The following KYAT3 variants were observed in gnomAD, a reference collection of about 807,000 sequenced individuals.
KYAT3 encodes kynurenine--oxoglutarate transaminase 3.
KYAT3 carries 50 observed loss-of-function variants against 59.0 expected under a neutral mutation model. The ratio of observed to expected loss-of-function variants is 0.85; its 90% CI spans 0.68 to 1.07. The LOEUF is 1.07. Ranked by LOEUF, KYAT3 falls within the 50% of genes least tolerant of loss-of-function variation. KYAT3 has a pLI of 0.00. For synonymous variants in KYAT3, 148 were observed against 177.0 expected (o/e 0.84, Z 1.30); for missense variants, 497 against 533.3 (o/e 0.93, Z 0.67).
chr1:88,928,381 T>TA, the KYAT3 span, among the ~76,000 whole-genome samples: 7,535 of 145,380 alleles, frequency 0.052, 551 homozygotes, highest in African/African-American at 0.16. Context: ...ACAAACGGGA[T>TA]AAAAAAAAAA....
chr1:88,942,797 C>A (rs757829692), intron 13 of KYAT3, among the ~76,000 whole-genome samples: 1 of 151,934 alleles, frequency 6.6e-6, no homozygotes, highest in African/African-American at 2.4e-5. Context: ...CTCCTGACCT[C>A]GTGATCAGCC....
chr1:88,936,237 G>T lies in KYAT3; in HGVS notation c.1311C>A (p.Ser437Arg). 1 of 1,605,928 alleles carries T rather than the reference G, an allele frequency of 6.2e-7. No individual in the cohort carries two copies. Among genetic ancestry groups the T allele is most frequent in the Non-Finnish European group, 8.5e-7 (1 of 1,173,698 alleles). ...FVRFCFIKKD[S>R]TLDAAEEIIK... ...TGATTTCTTCAGCAGCATCCAGTGT[G>T]CTGTCTTTCTGTAAATTAATGAAAT... Residue 437 changes from serine (S) to arginine (R), a missense_variant, in exon 14 of 14, where the codon AGC becomes AGA. By Grantham distance (110) the Ser-to-Arg change is moderately radical. This residue lies in a region of KYAT3 where 28 missense variants were observed against 54.2 expected (regional missense o/e 0.52). Coordinates refer to ENST00000260508, the MANE Select transcript of KYAT3 (RefSeq NM_001008661.3).
downstream of KYAT3, among the ~76,000 whole-genome samples, chr1:88,934,075 G>T (rs1388808753): frequency 1.3e-5 from 2 of 152,148 alleles, no homozygotes; most frequent in African/African-American, 4.8e-5. Flanking sequence ...CACAGAAGTG[G>T]GGTTGAAGTT....
intron 4 of KYAT3, among the ~76,000 whole-genome samples, chr1:88,965,293 C>T (rs1676304382): frequency 6.6e-6 from 1 of 152,002 alleles, no homozygotes; most frequent in African/African-American, 2.4e-5. Flanking sequence ...GTAATTAAAT[C>T]ATATTGAAAA....
chr1:88,982,681 A>G lies in KYAT3; in HGVS notation c.99+5571T>C, dbSNP rs560744066. ...AGTATCTGCTTCTGCCTCCCCCTCTATCAGATCGGCTTCCTCCAGGGCCAG... is the reference window on the plus strand; with the variant it reads ...AGTATCTGCTTCTGCCTCCCCCTCTGTCAGATCGGCTTCCTCCAGGGCCAG... On this transcript the variant is annotated intron_variant, in intron 2 of 13. Coordinates refer to ENST00000260508, the MANE Select transcript of KYAT3 (RefSeq NM_001008661.3). 1.3e-5 allele frequency: 21 copies of G among 1,612,952 alleles called. No homozygotes were observed. The African/African-American group carries it at 2.1e-4, about 16-fold the overall frequency.
At chr1:88,940,165 G>C (rs552586035) in intron 13 of KYAT3, among the ~76,000 whole-genome samples, 6 of 152,188 alleles carry the variant, frequency 3.9e-5, no homozygotes, top group Admixed American at 1.3e-4. Flanking sequence ...TGCCTCCTGG[G>C]TTCAAGTGAT....
chr1:88,951,920 T>C (rs938396245), intron 10 of KYAT3, among the ~76,000 whole-genome samples: 5 of 152,028 alleles, frequency 3.3e-5, no homozygotes. Context: ...AGATTATCCA[T>C]TGGGCCCAAT....
At chr1:88,977,108 G>A (rs976720483) in intron 2 of KYAT3, among the ~76,000 whole-genome samples, 4 of 152,136 alleles carry the variant, frequency 2.6e-5, no homozygotes, top group South Asian at 2.1e-4. Flanking sequence ...TCTGCCTCCC[G>A]GGTTCAAGCG....
intron 2 of KYAT3, 33 bp from the exon 3 acceptor site, chr1:88,969,500 T>G (rs769216422): frequency 7.9e-7 from 1 of 1,273,456 alleles, no homozygotes. Flanking sequence ...AGGAATTGCC[T>G]TAGTCAAAAT....
At chr1:88,985,026 T>C (rs1461960820) in intron 2 of KYAT3, among the ~76,000 whole-genome samples, 2 of 152,370 alleles carry the variant, frequency 1.3e-5, no homozygotes, top group South Asian at 2.1e-4. Context: ...TTAACCTTTT[T>C]CTGAAAATTA....
intron 8 of KYAT3, among the ~76,000 whole-genome samples, chr1:88,958,821 A>G (rs1253215250): frequency 2.0e-5 from 3 of 151,962 alleles, no homozygotes; most frequent in Admixed American, 1.3e-4. Context: ...TCACCATTTC[A>G]TGATGTAGAA....
intron 1 of KYAT3, among the ~76,000 whole-genome samples, 199 bp downstream of exon 1, chr1:88,992,386 C>T (rs1186998067): frequency 1.3e-5 from 2 of 152,246 alleles, no homozygotes; most frequent in African/African-American, 4.8e-5. Flanking sequence ...GGGGATTCCC[C>T]CCTGGAGGCC....
upstream of KYAT3, chr1:88,992,737 A>G (rs1677894528): frequency 7.1e-6 from 1 of 140,866 alleles, no homozygotes. Flanking sequence ...GGGGTAGGCC[A>G]GGATCTCTAG....
intron 1 of KYAT3, 121 bp downstream of exon 1, chr1:88,992,464 C>T (rs1677866513): frequency 1.3e-5 from 2 of 152,712 alleles, no homozygotes; most frequent in African/African-American, 2.4e-5. Flanking sequence ...CCCCCGCAGG[C>T]GGCCCCGCAG....
At chr1:88,989,239 A>C (rs972158883) in intron 1 of KYAT3, among the ~76,000 whole-genome samples, 2 of 152,258 alleles carry the variant, frequency 1.3e-5, no homozygotes, top group Non-Finnish European at 2.9e-5. Flanking sequence ...TAGAGCTTCT[A>C]TATAAAACGC....
intron 1 of KYAT3, among the ~76,000 whole-genome samples, chr1:88,992,138 C>A (rs962236986): frequency 6.6e-6 from 1 of 152,046 alleles, no homozygotes; most frequent in Non-Finnish European, 1.5e-5. Flanking sequence ...GCCACCACGC[C>A]CGGCTAATTT....
In KYAT3 at chr1:88,953,212, C is replaced by T. The variant is rs2101032523; in HGVS notation, c.865-60G>A. 3.4e-6 allele frequency: 4 copies of T among 1,172,852 alleles called. No homozygotes were observed. In the East Asian group the frequency reaches 7.1e-5, roughly 21 times the overall value. The allele number at this position is 1,172,852 out of a possible 1,614,324, so 72.7% of individuals were successfully genotyped here. On this transcript the variant is annotated intron_variant, in intron 9 of 13. Coordinates refer to ENST00000260508, the MANE Select transcript of KYAT3 (RefSeq NM_001008661.3). Reference sequence around the variant, plus strand: ...CTAATTGTATATAACAAATCTGAGACAGCAGTTTAAACTTAGTGCAATTGT... The same window carrying T: ...CTAATTGTATATAACAAATCTGAGATAGCAGTTTAAACTTAGTGCAATTGT...
chr1:88,930,758 G>A, the KYAT3 span, among the ~76,000 whole-genome samples: 1 of 152,100 alleles, frequency 6.6e-6, no homozygotes, highest in Non-Finnish European at 1.5e-5. Flanking sequence ...CCCAACTTCC[G>A]AGGGATCACC....
At chr1:88,970,578 A>T (rs1158589234) in intron 2 of KYAT3, among the ~76,000 whole-genome samples, 1 of 152,192 alleles carries the variant, frequency 6.6e-6, no homozygotes, top group East Asian at 1.9e-4. Flanking sequence ...GCTGCCTCTT[A>T]AAAGTATATT....
Sources: allele counts gnomAD v4.1 joint callset (sites outside exome capture counted in the v4.1 genomes callset), GRCh38; gene constraint gnomAD v4.1.1; regional missense constraint gnomAD v4.1.1; transcripts MANE v1.5; gene names NCBI Gene and HGNC (gene_info 2026-07-23, HGNC 2026-07-21).